Variants in KCNQ5 observed in about 807,000 individuals in gnomAD.
KCNQ5 encodes the protein potassium voltage-gated channel subfamily KQT member 5.
KCNQ5 carries 30 observed loss-of-function variants against 98.2 expected under a neutral mutation model. The observed-to-expected ratio is 0.31, with a 90% CI of 0.23 to 0.41. The LOEUF (loss-of-function observed/expected upper bound fraction) is 0.41. Among genes scored for constraint, KCNQ5 ranks in the 10% least tolerant of loss-of-function variants. The pLI is 1.00. For synonymous variants in KCNQ5, 458 were observed against 449.4 expected (o/e 1.02, Z -0.24); for missense variants, 835 against 1,182.5 (o/e 0.71, Z 4.31).
At chr6:72,910,254 T>C (rs1779875085) in intron 1 of KCNQ5, among the ~76,000 whole-genome samples, 1 of 152,166 alleles carries the variant, frequency 6.6e-6, no homozygotes, top group African/African-American at 2.4e-5. Context: ...AAATTCCAAA[T>C]TGCTAAGTTT....
At chr6:72,931,406 A>G (rs1244339243) in intron 1 of KCNQ5, among the ~76,000 whole-genome samples, 1 of 152,186 alleles carries the variant, frequency 6.6e-6, no homozygotes, top group Non-Finnish European at 1.5e-5. Context: ...CTGGTTAATG[A>G]TGGTGGGTTG....
At chr6:72,710,720 A>G (rs1040899530) in intron 1 of KCNQ5, among the ~76,000 whole-genome samples, 3 of 152,222 alleles carry the variant, frequency 2.0e-5, no homozygotes, top group African/African-American at 7.2e-5. Flanking sequence ...GAAGGGAGAC[A>G]TAGACTGCAA....
intron 3 of KCNQ5, among the ~76,000 whole-genome samples, chr6:73,061,117 T>C (rs1401110218): frequency 2.0e-5 from 3 of 152,134 alleles, no homozygotes; most frequent in South Asian, 2.1e-4. Context: ...TCCCAAGATA[T>C]ATGAAATAAA....
At chr6:72,911,673 G>A (rs745855249) in intron 1 of KCNQ5, among the ~76,000 whole-genome samples, 19 of 152,052 alleles carry the variant, frequency 1.2e-4, no homozygotes, top group Admixed American at 6.6e-5. Context: ...AGAAATCCAG[G>A]CAGGAGAAGG....
chr6:72,960,082 A>C (rs1279487395), intron 1 of KCNQ5, among the ~76,000 whole-genome samples: 1 of 152,186 alleles, frequency 6.6e-6, no homozygotes, highest in African/African-American at 2.4e-5. Context: ...TACTGAAAGA[A>C]GCCTGACAAC....
chr6:73,152,186 A>T (rs1211591468), intron 10 of KCNQ5, among the ~76,000 whole-genome samples: 1 of 151,668 alleles, frequency 6.6e-6, no homozygotes, highest in Non-Finnish European at 1.5e-5. Context: ...GTTCGTATCC[A>T]TTCTAGAATA....
intron 1 of KCNQ5, among the ~76,000 whole-genome samples, chr6:72,758,806 C>T (rs1188125116): frequency 6.6e-6 from 1 of 152,004 alleles, no homozygotes; most frequent in Non-Finnish European, 1.5e-5. Flanking sequence ...ATTGTAGAAA[C>T]AAAAATAGTA....
intron 1 of KCNQ5, among the ~76,000 whole-genome samples, chr6:72,780,429 C>A (rs1773402782): frequency 6.6e-6 from 1 of 152,174 alleles, no homozygotes; most frequent in Non-Finnish European, 1.5e-5. Context: ...AGAACAGGAG[C>A]CCATCATTCT....
At chr6:72,667,122 C>T (rs1018400501) in intron 1 of KCNQ5, among the ~76,000 whole-genome samples, 13 of 152,098 alleles carry the variant, frequency 8.5e-5, no homozygotes, top group African/African-American at 2.7e-4. Context: ...GTGTCTGCTG[C>T]TACTCTCCTA....
At chr6:73,056,712 A>G (rs1372202190) in intron 3 of KCNQ5, among the ~76,000 whole-genome samples, 1 of 152,180 alleles carries the variant, frequency 6.6e-6, no homozygotes, top group African/African-American at 2.4e-5. Context: ...TTTGAGCATA[A>G]CTGTACTAAA....
chr6:73,177,558 C>A (rs1050155785), intron 11 of KCNQ5, among the ~76,000 whole-genome samples: 1 of 152,148 alleles, frequency 6.6e-6, no homozygotes, highest in Non-Finnish European at 1.5e-5. Context: ...ATCCTTCTTG[C>A]ATCTCACTTC....
At chr6:72,851,019 G>T (rs1777231476) in intron 1 of KCNQ5, among the ~76,000 whole-genome samples, 1 of 152,094 alleles carries the variant, frequency 6.6e-6, no homozygotes, top group Non-Finnish European at 1.5e-5. Flanking sequence ...CAAAATAATA[G>T]TCTGCTTAGA....
intron 1 of KCNQ5, chr6:72,986,852 G>T: frequency 1.0e-6 from 1 of 998,418 alleles, no homozygotes. Flanking sequence ...AGCCCTCTCA[G>T]TCCAGAACCC....
At chr6:72,698,648 C>CTTCTTCT (rs1554689823) in intron 1 of KCNQ5, among the ~76,000 whole-genome samples, 2 of 94,002 alleles carry the variant, frequency 2.1e-5, no homozygotes, top group African/African-American at 3.6e-5. Context: ...TCTTCTTCTT[C>CTTCTTCT]TTTTTTTTTT....
At chr6:73,069,328 C>T (rs527443637) in intron 3 of KCNQ5, among the ~76,000 whole-genome samples, 48 of 151,940 alleles carry the variant, frequency 3.2e-4, no homozygotes, top group African/African-American at 1.1e-3. Context: ...ATGGAATTTT[C>T]GTGTGTTCGT....
At chr6:72,678,763 T>A (rs1767542591) in intron 1 of KCNQ5, among the ~76,000 whole-genome samples, 1 of 152,160 alleles carries the variant, frequency 6.6e-6, no homozygotes, top group African/African-American at 2.4e-5. Flanking sequence ...ATTAAGTAAT[T>A]ATTTCTTTCC....
chr6:72,854,231 A>T (rs1435789160), intron 1 of KCNQ5, among the ~76,000 whole-genome samples: 1 of 151,626 alleles, frequency 6.6e-6, no homozygotes, highest in Non-Finnish European at 1.5e-5. Flanking sequence ...AAGTAGTAAC[A>T]TTAGAAAAGG....
intron 1 of KCNQ5, among the ~76,000 whole-genome samples, chr6:72,859,758 G>A (rs1719733250): frequency 6.6e-6 from 1 of 151,790 alleles, no homozygotes. Flanking sequence ...ATTTTTTCAT[G>A]TGTGTATTTT....
At chr6:72,729,391 G>A (rs888609669) in intron 1 of KCNQ5, among the ~76,000 whole-genome samples, 8 of 152,132 alleles carry the variant, frequency 5.3e-5, no homozygotes, top group Admixed American at 2.6e-4. Flanking sequence ...GGGTTCAAGC[G>A]ATTCTCCTGC....
Sources: gnomAD v4.1 joint callset for allele counts (sites outside exome capture counted in the v4.1 genomes callset) on GRCh38, gnomAD v4.1.1 for gene constraint, MANE v1.5 for transcripts, NCBI Gene and HGNC (gene_info 2026-07-23, HGNC 2026-07-21) for gene names.